Variants in PDGFD observed in about 807,000 individuals in gnomAD.
PDGFD encodes platelet derived growth factor D.
In PDGFD, 30 loss-of-function variants were observed where a neutral mutation model predicts 44.7. The ratio of observed to expected loss-of-function variants is 0.67; its 90% CI spans 0.50 to 0.91. The LOEUF (loss-of-function observed/expected upper bound fraction) is 0.91. Among genes scored for constraint, PDGFD ranks in the 40% least tolerant of loss-of-function variants. The probability of loss-of-function intolerance (pLI) is 0.00; values close to 1 mark genes in which losing one functional copy is unlikely to be tolerated. For synonymous variants in PDGFD, 173 were observed against 168.4 expected (o/e 1.03, Z -0.21); for missense variants, 445 against 457.8 (o/e 0.97, Z 0.25).
chr11:104,036,760 C>A, intron 1 of PDGFD: 1 of 1,365,686 alleles, frequency 7.3e-7, no homozygotes. Flanking sequence ...GACGCAGGCC[C>A]GCCCCAGCCC....
intron 1 of PDGFD, among the ~76,000 whole-genome samples, chr11:104,006,215 G>A (rs1859699559): frequency 6.6e-6 from 1 of 152,034 alleles, no homozygotes; most frequent in African/African-American, 2.4e-5. Context: ...AAATTCTCAG[G>A]TCCTACTCCA....
chr11:104,047,886 C>T (rs1218120104), intron 1 of PDGFD, among the ~76,000 whole-genome samples: 1 of 151,972 alleles, frequency 6.6e-6, no homozygotes, highest in Non-Finnish European at 1.5e-5. Context: ...GGTGACTGGT[C>T]ATATTAAATG....
chr11:104,086,053 G>T (rs1394245619), intron 1 of PDGFD, among the ~76,000 whole-genome samples: 1 of 152,208 alleles, frequency 6.6e-6, no homozygotes, highest in African/African-American at 2.4e-5. Flanking sequence ...CCTTTTGAAA[G>T]ATCGCGCCTC....
chr11:103,943,784 A>G, intron 4 of PDGFD, 134 bp from the exon 5 acceptor site: 1 of 667,768 alleles, frequency 1.5e-6, no homozygotes, highest in South Asian at 2.1e-5. Context: ...GCTATGTAAA[A>G]ACAACATGGT....
At chr11:103,957,204 A>G (rs577264581) in intron 3 of PDGFD, among the ~76,000 whole-genome samples, 2 of 152,294 alleles carry the variant, frequency 1.3e-5, no homozygotes, top group East Asian at 3.9e-4. Context: ...CTAACGTTTA[A>G]GTCTTTAATC....
At chr11:104,162,349 T>C (rs1862402741) in intron 1 of PDGFD, among the ~76,000 whole-genome samples, 1 of 152,014 alleles carries the variant, frequency 6.6e-6, no homozygotes, top group African/African-American at 2.4e-5. Context: ...AAAGGACATA[T>C]AAAGTGCAAC....
At chr11:104,101,170 T>C (rs993066561) in intron 1 of PDGFD, among the ~76,000 whole-genome samples, 13 of 152,174 alleles carry the variant, frequency 8.5e-5, no homozygotes, top group African/African-American at 2.2e-4. Flanking sequence ...TTGTCCCTGT[T>C]TGCAGATGAC....
rs191211050 is a variant in PDGFD at position 103,976,594 on chromosome 11, C to T, written c.510+19471G>A. Among the ~76,000 whole-genome samples the T allele has an allele frequency of 2.0e-5, 3 of 152,248 alleles. No individual in the cohort carries two copies. The East Asian group carries it at 5.8e-4, about 29-fold the overall frequency. On this transcript the variant is annotated intron_variant, in intron 3 of 6. Coordinates refer to ENST00000393158, the MANE Select transcript of PDGFD (RefSeq NM_025208.5). ...AACAGGAGTGGTAAGAGAGGGCATC[C>T]TTGTCTTGTGCCAGTTTTCAAATGG...
intron 1 of PDGFD, among the ~76,000 whole-genome samples, chr11:104,024,961 TA>T (rs1860020724): frequency 6.6e-6 from 1 of 152,210 alleles, no homozygotes; most frequent in African/African-American, 2.4e-5. Flanking sequence ...TACTTTAGAA[TA>T]ACCCCCAACT....
intron 1 of PDGFD, among the ~76,000 whole-genome samples, chr11:104,102,644 C>T (rs1211168789): frequency 6.6e-6 from 1 of 152,148 alleles, no homozygotes; most frequent in Non-Finnish European, 1.5e-5. Context: ...TTTATTGCAG[C>T]ACTATTCACA....
At chr11:104,137,728 C>CT (rs5794295) in intron 1 of PDGFD, among the ~76,000 whole-genome samples, 8,339 of 76,648 alleles carry the variant, frequency 0.11, 1,135 homozygotes, top group Non-Finnish European at 0.15. Flanking sequence ...TAGATCACCA[C>CT]TTTTTTTTTT....
intron 1 of PDGFD, among the ~76,000 whole-genome samples, chr11:104,080,425 CAAAT>C (rs982465471): frequency 3.3e-5 from 5 of 152,194 alleles, no homozygotes; most frequent in Non-Finnish European, 7.4e-5. Flanking sequence ...TTCTAGAAAA[CAAAT>C]AGATTATGGT....
At position 104,021,088 on chromosome 11, in the gene PDGFD, A is replaced by C. The variant is rs149544449; in HGVS notation, c.125-20833T>G. Among the ~76,000 whole-genome samples, 69 of 152,306 alleles carry C rather than the reference A, an allele frequency of 4.5e-4. No homozygotes were observed. The East Asian group carries it at 0.011, about 24-fold the overall frequency. On this transcript the variant is annotated intron_variant, in intron 1 of 6. Transcript: ENST00000393158. ...TCATAATTAATCTACATTTGGTATA[A>C]GTGCTTTATCTTTTTGTGGATCAAA...
chr11:104,117,606 C>T (rs145960979), intron 1 of PDGFD, among the ~76,000 whole-genome samples: 1 of 151,798 alleles, frequency 6.6e-6, no homozygotes, highest in Non-Finnish European at 1.5e-5. Context: ...AGCAGAGAAC[C>T]AAATCAAGAA....
At chr11:103,999,913 T>TGACATAA (rs767623763) in intron 2 of PDGFD, 138 bp downstream of exon 2, 126,661 of 724,502 alleles carry the variant, frequency 0.17, 11,625 homozygotes, top group Middle Eastern at 0.2. Flanking sequence ...TTAGGGTCTT[T>TGACATAA]AGGCTTTTTG....
chr11:103,916,471 C>T (rs1049875767), intron 6 of PDGFD, among the ~76,000 whole-genome samples: 1 of 152,152 alleles, frequency 6.6e-6, no homozygotes, highest in Non-Finnish European at 1.5e-5. Context: ...GAAATAGGAA[C>T]ACTTTTCCAC....
chr11:104,096,175 A>G (rs899009985), intron 1 of PDGFD, among the ~76,000 whole-genome samples: 2 of 152,148 alleles, frequency 1.3e-5, no homozygotes, highest in Admixed American at 6.5e-5. Flanking sequence ...TATGAGCTGC[A>G]ATTTTATTTT....
rs76934625 is a variant in PDGFD, at chr11:104,139,555, C to T, written c.124+24249G>A. Among the ~76,000 whole-genome samples, 686 of 152,226 alleles carry T rather than the reference C, an allele frequency of 4.5e-3. 3 individuals carry two copies. The highest frequency in any genetic ancestry group is 0.014 in the African/African-American group (571 of 41,530). On this transcript the variant is annotated intron_variant, in intron 1 of 6. Transcript: ENST00000393158. ...AGACTAAAGACTAACACAAAAGTTA[C>T]GTGTAGTAGCTACTGCTTTCAAGTA...
chr11:103,974,775 T>C (rs1859157531), intron 3 of PDGFD, among the ~76,000 whole-genome samples: 1 of 152,166 alleles, frequency 6.6e-6, no homozygotes, highest in African/African-American at 2.4e-5. Context: ...GTTAGTTTGC[T>C]GAGAATGATG....
Sources: allele counts gnomAD v4.1 joint callset (sites outside exome capture counted in the v4.1 genomes callset), GRCh38; gene constraint gnomAD v4.1.1; transcripts MANE v1.5; gene names NCBI Gene and HGNC (gene_info 2026-07-23, HGNC 2026-07-21).